The following GPR89A variants were observed in gnomAD, a reference collection of about 807,000 sequenced individuals.
The protein encoded by GPR89A is golgi pH regulator A, also known as G protein-coupled receptor 89A.
In GPR89A, 16 loss-of-function variants were observed where a neutral mutation model predicts 52.0. The ratio of observed to expected loss-of-function variants is 0.31; its 90% CI spans 0.21 to 0.47. The LOEUF (loss-of-function observed/expected upper bound fraction) is 0.47. GPR89A is among the 20% of genes least tolerant of loss of function. The pLI is 1.00. For synonymous variants in GPR89A, 55 were observed against 150.9 expected, an observed-to-expected ratio of 0.36 and a Z score of 4.66; for missense variants, 135 against 449.4, an observed-to-expected ratio of 0.30 and a Z score of 6.33.
intron 10 of GPR89A, among the ~76,000 whole-genome samples, chr1:145,660,627 C>T (rs1652126450): frequency 1.3e-5 from 2 of 152,136 alleles, no homozygotes; most frequent in Admixed American, 1.3e-4. Flanking sequence ...CAAACAACCC[C>T]ATCAAAAAGT....
intron 10 of GPR89A, among the ~76,000 whole-genome samples, chr1:145,658,169 G>C (rs1421181289): frequency 6.6e-6 from 1 of 152,008 alleles, no homozygotes; most frequent in African/African-American, 2.4e-5. Context: ...ATGGGGTTGG[G>C]GGGGAGCTTT....
intron 3 of GPR89A, among the ~76,000 whole-genome samples, chr1:145,622,822 C>A (rs1355734965): frequency 6.6e-6 from 1 of 151,096 alleles, no homozygotes; most frequent in Admixed American, 6.6e-5. Flanking sequence ...CATAAACATT[C>A]TTATTTTAAT....
chr1:145,625,212 G>A (rs1344632297), intron 5 of GPR89A, among the ~76,000 whole-genome samples: 9 of 151,450 alleles, frequency 5.9e-5, no homozygotes, highest in East Asian at 1.9e-4. Flanking sequence ...GTTAAAGGCC[G>A]GAAAACTTAA....
At chr1:145,650,245 C>T (rs1651355196) in intron 10 of GPR89A, among the ~76,000 whole-genome samples, 1 of 149,338 alleles carries the variant, frequency 6.7e-6, no homozygotes. Context: ...ATTTGGTTTT[C>T]TGTTCCTGTG....
intron 7 of GPR89A, among the ~76,000 whole-genome samples, chr1:145,632,935 T>A (rs1649983073): frequency 6.6e-6 from 1 of 152,062 alleles, no homozygotes; most frequent in Non-Finnish European, 1.5e-5. Context: ...TTGATAGTAG[T>A]CATTCTGACA....
intron 12 of GPR89A, among the ~76,000 whole-genome samples, chr1:145,666,757 A>G (rs1448081710): frequency 7.4e-6 from 1 of 135,018 alleles, no homozygotes; most frequent in African/African-American, 2.8e-5. Context: ...CCTGTGTCCA[A>G]GTGTTCTCAT....
At chr1:145,635,874 G>A (rs1195578028) in intron 7 of GPR89A, among the ~76,000 whole-genome samples, 7 of 152,042 alleles carry the variant, frequency 4.6e-5, no homozygotes, top group African/African-American at 1.2e-4. Flanking sequence ...CAGGAAAATC[G>A]CTTGAACCCG....
At chr1:145,650,636 C>T (rs1317764347) in intron 10 of GPR89A, among the ~76,000 whole-genome samples, 8 of 151,184 alleles carry the variant, frequency 5.3e-5, no homozygotes, top group East Asian at 3.9e-4. Flanking sequence ...TCTGTAGCCT[C>T]GCCAGCATCT....
intron 1 of GPR89A, among the ~76,000 whole-genome samples, chr1:145,612,640 T>A (rs1648381410): frequency 6.6e-6 from 1 of 152,150 alleles, no homozygotes; most frequent in African/African-American, 2.4e-5. Context: ...TAATGCTAAG[T>A]ACTACTTAGA....
intron 7 of GPR89A, among the ~76,000 whole-genome samples, chr1:145,639,352 G>A (rs1650471140): frequency 6.6e-6 from 1 of 151,906 alleles, no homozygotes; most frequent in Non-Finnish European, 1.5e-5. Context: ...AGTATGAGAG[G>A]AATTCCTCTA....
At position 145,669,672 on chromosome 1, in the gene GPR89A, G is replaced by C; in HGVS notation, c.1143G>C (p.Leu381=). ...GTAAGTCCTCCAATGTCATTGTCCT[G>C]CTATTAGCACAGATAATGGTAAGTT... ...SSSKSSNVIV[L]LLAQIMGMYF... is the part of the protein sequence containing the mutation. Residue 381 remains leucine (L), a synonymous_variant, in exon 13 of 14, where the codon CTG becomes CTC. Transcript: ENST00000313835. The C allele has an allele frequency of 6.2e-7, 1 of 1,611,412 alleles. No homozygotes were observed. Among genetic ancestry groups the C allele is most frequent in the African/African-American group, 1.3e-5 (1 of 74,800 alleles).
rs143269979 is a variant in GPR89A at position 145,620,807 on chromosome 1, G to C, written c.207-2247G>C. Among the ~76,000 whole-genome samples, 22 of 152,302 alleles carry C rather than the reference G, an allele frequency of 1.4e-4. 1 individual carries two copies. The East Asian group carries it at 1.7e-3, about 12-fold the overall frequency. On this transcript the variant is annotated intron_variant, in intron 3 of 13. Coordinates refer to ENST00000313835, the MANE Select transcript of GPR89A (RefSeq NM_001097612.2). ...TTCAAATATGTAATCTTGTTGGGATGCTTAGTTTTTTCAAGAGAATATCAC... is the reference window on the plus strand; with the variant it reads ...TTCAAATATGTAATCTTGTTGGGATCCTTAGTTTTTTCAAGAGAATATCAC...
At chr1:145,644,734 G>C (rs1650868422) in intron 8 of GPR89A, 1 of 151,550 alleles carries the variant, frequency 6.6e-6, no homozygotes, top group Non-Finnish European at 1.5e-5. Context: ...AACAGAGCTA[G>C]ACCCTGTCTC....
At chr1:145,656,835 C>T (rs1367058673) in intron 10 of GPR89A, among the ~76,000 whole-genome samples, 1 of 151,200 alleles carries the variant, frequency 6.6e-6, no homozygotes. Flanking sequence ...TCCCTAGATG[C>T]CCTTTATCAG....
intron 10 of GPR89A, among the ~76,000 whole-genome samples, chr1:145,648,565 T>C (rs1219024438): frequency 6.6e-6 from 1 of 151,614 alleles, no homozygotes; most frequent in African/African-American, 2.4e-5. Context: ...CTGCAACCTC[T>C]GCCTCCTGGG....
chr1:145,619,843 G>A (rs1370273505), intron 3 of GPR89A, among the ~76,000 whole-genome samples: 45 of 151,200 alleles, frequency 3.0e-4, no homozygotes, highest in Non-Finnish European at 5.3e-4. Context: ...GTGAAACCCC[G>A]TCTCTACTAA....
chr1:145,635,812 A>G (rs1402515438), intron 7 of GPR89A, among the ~76,000 whole-genome samples: 8 of 152,242 alleles, frequency 5.3e-5, no homozygotes, highest in Non-Finnish European at 5.9e-5. Flanking sequence ...TACAAAAATT[A>G]TCTGGGCATA....
chr1:145,665,086 G>A (rs1346161675), intron 11 of GPR89A, among the ~76,000 whole-genome samples: 1 of 151,898 alleles, frequency 6.6e-6, no homozygotes, highest in Non-Finnish European at 1.5e-5. Context: ...AATAATCAAG[G>A]TATTATTTAG....
chr1:145,659,988 TC>T (rs1296056065), intron 10 of GPR89A, among the ~76,000 whole-genome samples: 1 of 151,910 alleles, frequency 6.6e-6, no homozygotes, highest in Non-Finnish European at 1.5e-5. Flanking sequence ...GTCCTTCACA[TC>T]CCTTGTAAGT....
Sources: gnomAD v4.1 joint callset for allele counts (sites outside exome capture counted in the v4.1 genomes callset) on GRCh38, gnomAD v4.1.1 for gene constraint, MANE v1.5 for transcripts, NCBI Gene and HGNC (gene_info 2026-07-23, HGNC 2026-07-21) for gene names.